AMELX: variants seen among roughly 807,000 people sequenced by gnomAD.
The protein encoded by AMELX is amelogenin X-linked.
In AMELX, 9 loss-of-function variants were observed where a neutral mutation model predicts 15.8. That is an observed-to-expected ratio of 0.57 (90% confidence interval 0.34 to 0.99). The LOEUF (loss-of-function observed/expected upper bound fraction) is 0.99. Ranked by LOEUF, AMELX falls within the 50% of genes least tolerant of loss-of-function variation. The probability of loss-of-function intolerance (pLI) is 0.02; values close to 1 mark genes in which losing one functional copy is unlikely to be tolerated. For missense variants in AMELX, 107 were observed against 156.2 expected (o/e 0.68, Z 1.68); for synonymous variants, 61 against 58.8 (o/e 1.04, Z -0.17).
chrX:11,307,701 G>A, the AMELX span, among the ~76,000 whole-genome samples: 7 of 112,194 alleles, frequency 6.2e-5, no homozygotes, highest in Admixed American at 6.6e-4. Flanking sequence ...ATTAAACATT[G>A]CTAAAATGTG....
downstream of AMELX, among the ~76,000 whole-genome samples, chrX:11,304,777 C>CTTTTT (rs953912280): frequency 5.8e-4 from 29 of 50,283 alleles, 5 homozygotes; most frequent in Non-Finnish European, 7.4e-4. Context: ...CTTTCTTTTA[C>CTTTTT]TTTTTTTTTT....
At chrX:11,309,347 G>A in the AMELX span, among the ~76,000 whole-genome samples, 1 of 110,812 alleles carries the variant, frequency 9.0e-6, no homozygotes, top group Non-Finnish European at 1.9e-5. Context: ...AACAGAGAAG[G>A]AGACAGGAGG....
downstream of AMELX, among the ~76,000 whole-genome samples, chrX:11,304,893 TC>T (rs1207237827): frequency 9.7e-6 from 1 of 102,652 alleles, no homozygotes; most frequent in Non-Finnish European, 2.0e-5. Context: ...TTCAAGCGAT[TC>T]CCCTGCCTCA....
chrX:11,294,825 G>A lies in AMELX; in HGVS notation c.37G>A (p.Ala13Thr), dbSNP rs2048054564. 8.3e-7 allele frequency: 1 copy of A among 1,210,046 alleles called. No homozygotes were observed. The highest frequency in any genetic ancestry group is 1.7e-5 in the African/African-American group (1 of 57,167). ...TWILFACLLG[A>T]AFAMPLPPHP... ...GATTTTATTTGCCTGCCTCCTGGGA[G>A]CAGCTTTTGCCATGCCTGTGAGTAA... Residue 13 changes from alanine to threonine, a missense_variant, in exon 2 of 6, where the codon GCA becomes ACA. Physicochemically the swap from Ala to Thr is moderately conservative, Grantham distance 58 (BLOSUM62 0). Coordinates refer to ENST00000380714, the MANE Select transcript of AMELX (RefSeq NM_001142.2).
downstream of AMELX, among the ~76,000 whole-genome samples, chrX:11,301,005 G>C (rs186757333): frequency 9.0e-6 from 1 of 111,671 alleles, no homozygotes; most frequent in East Asian, 2.8e-4. Flanking sequence ...TTATGAATAT[G>C]TACAATAACT....
downstream of AMELX, among the ~76,000 whole-genome samples, chrX:11,301,499 C>T: frequency 8.9e-6 from 1 of 112,119 alleles, no homozygotes; most frequent in East Asian, 2.8e-4. Flanking sequence ...GTTTATATTA[C>T]ACAAACCCAT....
intron 3 of AMELX, among the ~76,000 whole-genome samples, chrX:11,297,293 A>C (rs1297960815): frequency 8.9e-6 from 1 of 112,105 alleles, no homozygotes; most frequent in Non-Finnish European, 1.9e-5. Context: ...GAGACTCCGC[A>C]GAACAGCGGA....
chrX:11,298,901 C>T lies in AMELX; in HGVS notation c.498C>T (p.Pro166=), dbSNP rs2048131155. 2 of 1,209,161 alleles carry T rather than the reference C, an allele frequency of 1.7e-6. No individual in the cohort carries two copies. Among genetic ancestry groups the T allele is most frequent in the Admixed American group, 2.2e-5 (1 of 45,635 alleles). Residue 166 remains proline, a synonymous_variant, in exon 5 of 6, where the codon CCC becomes CCT. Transcript: ENST00000380714. ...TGCCTCCGATGTTCCCCATGCAGCC[C>T]CTGCCTCCCATGCTTCCTGATCTGA... ...PPLPPMFPMQ[P]LPPMLPDLTL...
At chrX:11,297,545 C>T (rs1297003263) in intron 3 of AMELX, among the ~76,000 whole-genome samples, 5 of 111,846 alleles carry the variant, frequency 4.5e-5, no homozygotes, top group Non-Finnish European at 5.6e-5. Flanking sequence ...GATTAAATGC[C>T]GTATTACTAT....
chrX:11,297,958 C>T, intron 3 of AMELX: 1 of 607,455 alleles, frequency 1.6e-6, no homozygotes, highest in South Asian at 2.5e-5. Context: ...TTTAACTCCC[C>T]ATAACCTTAT....
intron 5 of AMELX, 38 bp from the exon 6 acceptor site, chrX:11,300,569 G>A (rs746272574): frequency 8.8e-7 from 1 of 1,134,926 alleles, no homozygotes; most frequent in Non-Finnish European, 1.2e-6. Context: ...AGGAACATTT[G>A]TAAATTATTT....
chrX:11,298,411 T>C (rs2048120518), intron 4 of AMELX, 134 bp downstream of exon 4: 1 of 1,117,819 alleles, frequency 8.9e-7, no homozygotes, highest in Admixed American at 2.2e-5. Flanking sequence ...ATCATATCTG[T>C]GTACACAGTT....
intron 3 of AMELX, 49 bp from the exon 4 acceptor site, chrX:11,298,187 G>C (rs752708064): frequency 9.9e-6 from 12 of 1,207,234 alleles, no homozygotes; most frequent in Non-Finnish European, 1.3e-5. Flanking sequence ...TTCTATATTG[G>C]ATGAAAGTAA....
chrX:11,304,563 G>A (rs191253833), downstream of AMELX, among the ~76,000 whole-genome samples: 2 of 109,580 alleles, frequency 1.8e-5, no homozygotes, highest in Admixed American at 2.0e-4. Context: ...GAGGGTAACA[G>A]GAGAGCAACA....
At chrX:11,294,636 T>C (rs1444548775) in intron 1 of AMELX, 141 bp from the exon 2 acceptor site, 11 of 651,792 alleles carry the variant, frequency 1.7e-5, no homozygotes, top group Admixed American at 2.4e-5. Context: ...AAATCACATA[T>C]GACTGAAGTA....
Position 11,296,761 on chromosome X carries a change from C to T in AMELX, c.55-18C>T. ...CTTCCTCTCTCTTTCTATTCTCCTC[C>T]CCTCCTCCCTGTAAAAGCTACCACC... On this transcript the variant is annotated intron_variant, in intron 2 of 5. Transcript: ENST00000380714. The T allele has an allele frequency of 1.7e-6, 2 of 1,200,058 alleles. No homozygotes were observed. The highest frequency in any genetic ancestry group is 1.7e-5 in the African/African-American group (1 of 57,356).
At chrX:11,306,370 A>G in the AMELX span, among the ~76,000 whole-genome samples, 1 of 112,766 alleles carries the variant, frequency 8.9e-6, no homozygotes, top group Non-Finnish European at 1.9e-5. Flanking sequence ...TTGGAAAAAT[A>G]CCTGGAAACT....
At position 11,298,709 on chromosome X, in the gene AMELX, C is replaced by G. The variant is rs200842202; in HGVS notation, c.306C>G (p.Pro102=). The change falls in exon 5 of 6, where the codon CCC becomes CCG. Residue 102 remains proline, a synonymous_variant. Coordinates refer to ENST00000380714, the MANE Select transcript of AMELX (RefSeq NM_001142.2). ...QPVIPQQPMM[P]VPGQHSMTPI... Reference sequence around the variant, plus strand: ...TGATCCCCCAGCAACCAATGATGCCCGTTCCTGGCCAACACTCCATGACTC... The same window carrying G: ...TGATCCCCCAGCAACCAATGATGCCGGTTCCTGGCCAACACTCCATGACTC... 1 of 1,211,045 alleles carries G rather than the reference C, an allele frequency of 8.3e-7. No individual in the cohort carries two copies. The highest frequency in any genetic ancestry group is 2.2e-5 in the Admixed American group (1 of 45,894).
In AMELX at chrX:11,300,595, A is replaced by C. The variant is rs1569292645; in HGVS notation, c.571-12A>C. The C allele has an allele frequency of 8.4e-7, 1 of 1,190,524 alleles. No homozygotes were observed. The highest frequency in any genetic ancestry group is 1.1e-6 in the Non-Finnish European group (1 of 877,531). On this transcript the variant is annotated splice_polypyrimidine_tract_variant and intron_variant, in intron 5 of 5. Coordinates refer to ENST00000380714, the MANE Select transcript of AMELX (RefSeq NM_001142.2). ...TAAATTATTTTAACTGTTCTTTTGC[A>C]ATTTTTTTCAGGATTAAAAGATCAG...
Sources: gnomAD v4.1 joint callset for allele counts (sites outside exome capture counted in the v4.1 genomes callset) on GRCh38, gnomAD v4.1.1 for gene constraint, MANE v1.5 for transcripts, NCBI Gene and HGNC (gene_info 2026-07-23, HGNC 2026-07-21) for gene names.